Variants in NSMAF observed in about 807,000 individuals in gnomAD.
NSMAF encodes the protein neutral sphingomyelinase activation associated factor.
NSMAF carries 90 observed loss-of-function variants against 134.9 expected under a neutral mutation model. The ratio of observed to expected loss-of-function variants is 0.67; its 90% CI spans 0.56 to 0.79. The LOEUF is 0.79. NSMAF is among the 30% of genes least tolerant of loss of function. The pLI is 0.00. For missense variants in NSMAF, 1,010 were observed against 1,119.0 expected, an observed-to-expected ratio of 0.90 and a Z score of 1.39; for synonymous variants, 358 against 389.6, an observed-to-expected ratio of 0.92 and a Z score of 0.96.
At chr8:58,648,362 T>C (rs1482435889) in intron 1 of NSMAF, among the ~76,000 whole-genome samples, 1 of 152,172 alleles carries the variant, frequency 6.6e-6, no homozygotes, top group Non-Finnish European at 1.5e-5. Context: ...AACATAAAAC[T>C]CTGGGAAATT....
intron 5 of NSMAF, among the ~76,000 whole-genome samples, chr8:58,632,291 T>G (rs1394128815): frequency 6.6e-6 from 1 of 152,224 alleles, no homozygotes; most frequent in Non-Finnish European, 1.5e-5. Context: ...TGTTCCCTTT[T>G]GTGGCAAAAT....
At chr8:58,625,416 A>ATGTATGTATG (rs111516405) in intron 6 of NSMAF, among the ~76,000 whole-genome samples, 15 of 150,888 alleles carry the variant, frequency 9.9e-5, no homozygotes, top group African/African-American at 3.4e-4. Flanking sequence ...GTATGTATGT[A>ATGTATGTATG]TATATATGTG....
chr8:58,601,578 T>C, intron 14 of NSMAF, 43 bp from the exon 15 acceptor site: 1 of 1,555,532 alleles, frequency 6.4e-7, no homozygotes, highest in Non-Finnish European at 8.6e-7. Context: ...AAGTGTTGGC[T>C]ATGAAATAAT....
chr8:58,632,262 A>T (rs1230128804), intron 5 of NSMAF, among the ~76,000 whole-genome samples: 1 of 152,036 alleles, frequency 6.6e-6, no homozygotes, highest in Non-Finnish European at 1.5e-5. Flanking sequence ...TTAATCTCAC[A>T]TCCTCCTTTT....
At chr8:58,626,849 A>C (rs1806943749) in intron 6 of NSMAF, among the ~76,000 whole-genome samples, 1 of 152,132 alleles carries the variant, frequency 6.6e-6, no homozygotes, top group African/African-American at 2.4e-5. Flanking sequence ...CTCCCTTTTC[A>C]CCAAATCCAT....
At position 58,656,488 on chromosome 8, in the gene NSMAF, G is replaced by C. The variant is rs6994622; in HGVS notation, c.59+3085C>G. On this transcript the variant is annotated intron_variant, in intron 1 of 30. Transcript: ENST00000038176. ...TGTTTAGCAAATAAAAATATCATAT[G>C]CCCAGTTACATTTGAATTTCAGATA... Among the ~76,000 whole-genome samples the C allele has an allele frequency of 8.2e-3, 1,245 of 152,248 alleles. 21 individuals carry two copies. The highest frequency in any genetic ancestry group is 0.028 in the African/African-American group (1,160 of 41,550).
At chr8:58,599,403 A>AT in intron 18 of NSMAF, 40 bp from the exon 19 acceptor site, 1 of 1,603,212 alleles carries the variant, frequency 6.2e-7, no homozygotes, top group Non-Finnish European at 8.5e-7. Flanking sequence ...TGGAGTCTTC[A>AT]TTTTTTTCCT....
chr8:58,616,691 TG>T (rs1806661327), intron 9 of NSMAF, among the ~76,000 whole-genome samples: 2 of 152,146 alleles, frequency 1.3e-5, no homozygotes, highest in African/African-American at 4.8e-5. Flanking sequence ...AGATCAAGAA[TG>T]AGGCAATAAT....
chr8:58,624,831 G>A (rs905567341), intron 6 of NSMAF, among the ~76,000 whole-genome samples: 7 of 152,136 alleles, frequency 4.6e-5, no homozygotes, highest in African/African-American at 1.2e-4. Flanking sequence ...ACCCATTGTC[G>A]AAAGTGTGGT....
At position 58,635,513 on chromosome 8, in the gene NSMAF, T is replaced by C; in HGVS notation, c.183A>G (p.Lys61=). The C allele has an allele frequency of 6.2e-7, 1 of 1,606,180 alleles. No homozygotes were observed. Among genetic ancestry groups the C allele is most frequent in the Non-Finnish European group, 8.5e-7 (1 of 1,177,376 alleles). ...KIRGSLKICS[K]SVIFEPDSIS... is the part of the protein sequence containing the mutation. ...TTGAATCTGGTTCAAAAATCACCGA[T>C]TTTGAACATATTTTTAAGGAGCCTC... is the stretch of plus-strand genomic sequence containing the variant. The change falls in exon 3 of 31, where the codon AAA becomes AAG. Residue 61 remains lysine, a synonymous_variant. Coordinates refer to ENST00000038176, the MANE Select transcript of NSMAF (RefSeq NM_003580.4).
At chr8:58,647,018 C>A (rs1335418496) in intron 1 of NSMAF, among the ~76,000 whole-genome samples, 4 of 152,172 alleles carry the variant, frequency 2.6e-5, no homozygotes, top group African/African-American at 9.7e-5. Context: ...CTGGAGTAAC[C>A]TTGCATTCCA....
At position 58,603,502 on chromosome 8, in the gene NSMAF, A is replaced by G. The variant is rs1585735455; in HGVS notation, c.869-116T>C. The G allele has an allele frequency of 5.7e-6, 5 of 881,982 alleles. No individual in the cohort carries two copies. The East Asian group carries it at 1.3e-4, about 23-fold the overall frequency. The allele number at this position is 881,982 out of a possible 1,614,324, so 54.6% of individuals were successfully genotyped here. A position where few individuals can be genotyped will look rare whatever the true frequency, so the allele number is the denominator to read the frequency against. ...CATTCTTGAAAAATGCATTGTAAGAAAAAGAAAAGTAGGCTGCTGACTTGT... is the reference window on the plus strand; with the variant it reads ...CATTCTTGAAAAATGCATTGTAAGAGAAAGAAAAGTAGGCTGCTGACTTGT... On this transcript the variant is annotated intron_variant, in intron 12 of 30. Coordinates refer to ENST00000038176, the MANE Select transcript of NSMAF (RefSeq NM_003580.4).
At chr8:58,595,753 C>G in intron 21 of NSMAF, 94 bp from the exon 22 acceptor site, 1 of 773,692 alleles carries the variant, frequency 1.3e-6, no homozygotes, top group Non-Finnish European at 2.2e-6. Flanking sequence ...AATCAAACAA[C>G]TAAGAAATGA....
chr8:58,623,106 C>T (rs1044449234), intron 9 of NSMAF, 114 bp downstream of exon 9: 2 of 777,544 alleles, frequency 2.6e-6, no homozygotes, highest in Non-Finnish European at 4.4e-6. Context: ...TTCTCTAAGA[C>T]AAGCAGGTTT....
chr8:58,630,722 C>G (rs932390031), intron 6 of NSMAF, among the ~76,000 whole-genome samples: 2 of 152,202 alleles, frequency 1.3e-5, no homozygotes, highest in Non-Finnish European at 2.9e-5. Context: ...TACTTTCTGA[C>G]TAATCAGCAC....
At chr8:58,604,827 T>C (rs1023558796) in intron 12 of NSMAF, among the ~76,000 whole-genome samples, 1 of 152,154 alleles carries the variant, frequency 6.6e-6, no homozygotes, top group African/African-American at 2.4e-5. Flanking sequence ...CACTGCAGCC[T>C]TGACCTCCCA....
intron 26 of NSMAF, chr8:58,588,822 C>T (rs1805955811): frequency 2.5e-6 from 2 of 815,420 alleles, no homozygotes; most frequent in Non-Finnish European, 2.1e-6. Context: ...CTATAATCAA[C>T]TAATATTTCT....
chr8:58,646,803 G>C (rs574351934), intron 1 of NSMAF, among the ~76,000 whole-genome samples: 2 of 152,158 alleles, frequency 1.3e-5, no homozygotes, highest in Admixed American at 6.5e-5. Context: ...TATTGTATCT[G>C]ACTGTAAATT....
chr8:58,603,350 A>G lies in NSMAF; in HGVS notation c.905T>C (p.Met302Thr). 6.2e-7 allele frequency: 1 copy of G among 1,614,114 alleles called. No individual in the cohort carries two copies. Among genetic ancestry groups the G allele is most frequent in the Non-Finnish European group, 8.5e-7 (1 of 1,180,034 alleles). ...HVAEHTAESYMLQWQRGHLSN... is the reference protein window; with the variant it reads ...HVAEHTAESYTLQWQRGHLSN... ...AAGGTGTCCACGCTGCCACTGCAGC[A>G]TGTAGCTCTCAGCAGTGTGCTCCGC... is the stretch of plus-strand genomic sequence containing the variant. Residue 302 changes from methionine to threonine, a missense_variant, in exon 13 of 31, where the codon ATG becomes ACG. Met to Thr is a moderately conservative substitution (Grantham distance 81, BLOSUM62 -1). Transcript: ENST00000038176.
Sources: gnomAD v4.1 joint callset for allele counts (sites outside exome capture counted in the v4.1 genomes callset) on GRCh38, gnomAD v4.1.1 for gene constraint, MANE v1.5 for transcripts, NCBI Gene and HGNC (gene_info 2026-07-23, HGNC 2026-07-21) for gene names.